Variants in CCDC148 observed in about 807,000 individuals in gnomAD.
CCDC148 encodes the protein coiled-coil domain-containing protein 148.
CCDC148 carries 89 observed loss-of-function variants against 85.7 expected under a neutral mutation model. That is an observed-to-expected ratio of 1.04 (90% CI 0.87 to 1.24). The LOEUF is 1.24. CCDC148 is among the 50% of genes most tolerant of loss of function. CCDC148 has a pLI of 0.00. For synonymous variants in CCDC148, 230 were observed against 213.9 expected, an observed-to-expected ratio of 1.08 and a Z score of -0.66; for missense variants, 692 against 671.7, an observed-to-expected ratio of 1.03 and a Z score of -0.33.
chr2:158,218,325 T>C lies in CCDC148; in HGVS notation c.1370+2270A>G, dbSNP rs1222383414. 3.9e-5 allele frequency among the ~76,000 whole-genome samples: 6 copies of C among 152,328 alleles called. 1 individual carries two copies. In the East Asian group the frequency reaches 7.7e-4, roughly 20 times the overall value. ...GAAATGACAGATTTTCCCAAGGTCA[T>C]ATACAATTCAAAGAAGAGTCAAGAC... On this transcript the variant is annotated intron_variant, in intron 11 of 13. Coordinates refer to ENST00000283233, the MANE Select transcript of CCDC148 (RefSeq NM_138803.4).
chr2:158,228,618 C>T (rs183702550), intron 10 of CCDC148, among the ~76,000 whole-genome samples: 1 of 152,276 alleles, frequency 6.6e-6, no homozygotes, highest in Non-Finnish European at 1.5e-5. Flanking sequence ...CCATGGAATA[C>T]TATGTGGCCA....
At chr2:158,216,287 C>T (rs984792436) in intron 11 of CCDC148, among the ~76,000 whole-genome samples, 8 of 147,870 alleles carry the variant, frequency 5.4e-5, no homozygotes, top group Non-Finnish European at 6.0e-5. Context: ...CTCATTTTTA[C>T]ATGTTTTATT....
At chr2:158,253,258 T>A (rs1460120779) in intron 9 of CCDC148, among the ~76,000 whole-genome samples, 1 of 151,704 alleles carries the variant, frequency 6.6e-6, no homozygotes, top group Non-Finnish European at 1.5e-5. Context: ...CAATATAGAA[T>A]CTAAATAATT....
At chr2:158,349,435 T>C (rs1377798829) in intron 2 of CCDC148, among the ~76,000 whole-genome samples, 1 of 151,952 alleles carries the variant, frequency 6.6e-6, no homozygotes, top group Non-Finnish European at 1.5e-5. Context: ...TTTTTGAGCC[T>C]ATGTATTTTT....
At chr2:158,423,856 A>C (rs1686933375) in intron 1 of CCDC148, among the ~76,000 whole-genome samples, 1 of 82,734 alleles carries the variant, frequency 1.2e-5, no homozygotes, top group Admixed American at 1.7e-4. Context: ...CAAAGAACTT[A>C]AACAAATTTA....
intron 10 of CCDC148, among the ~76,000 whole-genome samples, chr2:158,228,201 G>A (rs1056790357): frequency 9.2e-5 from 14 of 152,132 alleles, no homozygotes; most frequent in African/African-American, 2.9e-4. Context: ...AAAGACACAG[G>A]AAAAAATGCT....
chr2:158,354,722 A>G (rs1240186916), intron 2 of CCDC148, among the ~76,000 whole-genome samples: 1 of 151,644 alleles, frequency 6.6e-6, no homozygotes, highest in Non-Finnish European at 1.5e-5. Context: ...TCCCTAACTC[A>G]TTTTATGAGG....
chr2:158,364,025 CAGAG>C, intron 1 of CCDC148, among the ~76,000 whole-genome samples: 1 of 152,218 alleles, frequency 6.6e-6, no homozygotes, highest in East Asian at 1.9e-4. Context: ...CAATAATAGA[CAGAG>C]AGCCAAATCA....
intron 10 of CCDC148, among the ~76,000 whole-genome samples, chr2:158,227,987 T>C (rs537481952): frequency 2.0e-4 from 30 of 152,190 alleles, no homozygotes; most frequent in African/African-American, 2.6e-4. Flanking sequence ...AGCTTCTGCA[T>C]AGCAAAAGAA....
At chr2:158,304,703 G>A (rs1023284844) in intron 9 of CCDC148, among the ~76,000 whole-genome samples, 19 of 152,222 alleles carry the variant, frequency 1.2e-4, no homozygotes, top group Non-Finnish European at 2.4e-4. Flanking sequence ...AGAAAAAGCT[G>A]AATCACTTAC....
chr2:158,340,104 G>T (rs143567477), intron 5 of CCDC148, 138 bp downstream of exon 5: 2 of 607,782 alleles, frequency 3.3e-6, no homozygotes, highest in African/African-American at 1.9e-5. Context: ...AGAATTAGCT[G>T]CCCTTCTATT....
At chr2:158,312,403 GA>G (rs1351242493) in intron 8 of CCDC148, among the ~76,000 whole-genome samples, 1 of 151,996 alleles carries the variant, frequency 6.6e-6, no homozygotes, top group African/African-American at 2.4e-5. Context: ...CCAACACGGT[GA>G]AACCCCGACT....
chr2:158,260,313 C>A (rs563628069), intron 9 of CCDC148, among the ~76,000 whole-genome samples: 22 of 151,838 alleles, frequency 1.4e-4, no homozygotes, highest in Non-Finnish European at 1.6e-4. Flanking sequence ...ATTCAACATC[C>A]CTTCAGGTTA....
chr2:158,173,005 C>T (rs891272759), intron 13 of CCDC148, among the ~76,000 whole-genome samples: 29 of 152,044 alleles, frequency 1.9e-4, no homozygotes, highest in African/African-American at 6.8e-4. Flanking sequence ...AAAGCAGCCC[C>T]TCCAGGAGCT....
chr2:158,406,652 T>G, intron 1 of CCDC148, among the ~76,000 whole-genome samples: 1 of 144,466 alleles, frequency 6.9e-6, no homozygotes, highest in South Asian at 2.3e-4. Context: ...AGACAGTGTC[T>G]CCCTCCATTA....
In CCDC148 at chr2:158,313,877, T is replaced by C. The variant is rs755428321; in HGVS notation, c.782A>G (p.Glu261Gly). The C allele has an allele frequency of 1.3e-5, 21 of 1,612,292 alleles. No individual in the cohort carries two copies. In the East Asian group the frequency reaches 4.5e-4, roughly 34 times the overall value. The change falls in exon 8 of 14, where the codon GAA (glutamate) becomes GGA (glycine). Residue 261 changes from glutamate to glycine, a missense_variant. By Grantham distance (98) the Glu-to-Gly change is moderately conservative (BLOSUM62 -2). Transcript: ENST00000283233. The stretch of plus-strand genomic sequence containing the variant: ...AGCCTGGTAAATCCAGTGGTCTTCT[T>C]CACTTAGTTGACAGTTTCTAGAAGC... ...EDIYRNCQLS[E>G]EDHWIYQAIL...
intron 2 of CCDC148, among the ~76,000 whole-genome samples, chr2:158,346,393 G>T (rs564609680): frequency 1.3e-5 from 2 of 152,124 alleles, no homozygotes; most frequent in Non-Finnish European, 2.9e-5. Flanking sequence ...ACTATCTCCG[G>T]GTAACCTCAC....
intron 9 of CCDC148, among the ~76,000 whole-genome samples, chr2:158,277,764 T>C (rs1262795241): frequency 6.6e-6 from 1 of 152,066 alleles, no homozygotes; most frequent in East Asian, 1.9e-4. Context: ...GCCCAGCTAA[T>C]TTTTTGTATT....
intron 8 of CCDC148, among the ~76,000 whole-genome samples, chr2:158,309,978 A>C (rs1185722662): frequency 6.6e-6 from 1 of 152,092 alleles, no homozygotes; most frequent in East Asian, 1.9e-4. Flanking sequence ...AGAGAGGCGG[A>C]TTTGGCAGGG....
Sources: allele counts gnomAD v4.1 joint callset (sites outside exome capture counted in the v4.1 genomes callset), GRCh38; gene constraint gnomAD v4.1.1; transcripts MANE v1.5; gene names NCBI Gene and HGNC (gene_info 2026-07-23, HGNC 2026-07-21).